DHX15: variants seen among roughly 807,000 people sequenced by gnomAD.
DHX15 encodes the protein ATP-dependent RNA helicase DHX15.
DHX15 carries 11 observed loss-of-function variants against 94.4 expected under a neutral mutation model. The observed-to-expected ratio is 0.12, with a 90% CI of 0.07 to 0.19. DHX15 has a LOEUF of 0.19. Among genes scored for constraint, DHX15 ranks in the 10% least tolerant of loss-of-function variants. The pLI, the probability that DHX15 is intolerant of heterozygous loss-of-function variation, is 1.00. For synonymous variants in DHX15, 338 were observed against 329.9 expected (o/e 1.02, Z -0.27); for missense variants, 304 against 988.5 (o/e 0.31, Z 9.29).
chr4:24,578,711 A>G (rs1371087129), intron 1 of DHX15, among the ~76,000 whole-genome samples: 1 of 152,048 alleles, frequency 6.6e-6, no homozygotes, highest in Non-Finnish European at 1.5e-5. Context: ...GACTACAGGC[A>G]TGCACCACCA....
rs200541429 is a variant in DHX15 at position 24,573,609 on chromosome 4, G to A, written c.507+2634C>T. On this transcript the variant is annotated intron_variant, in intron 2 of 13. Coordinates refer to ENST00000336812, the MANE Select transcript of DHX15 (RefSeq NM_001358.3). Reference sequence around the variant, plus strand: ...TATCATCAATATGTTCACTAGACAGGAGTTTTTTTAAAAAAAAATCCTCAT... The same window carrying A: ...TATCATCAATATGTTCACTAGACAGAAGTTTTTTTAAAAAAAAATCCTCAT... Among the ~76,000 whole-genome samples, 23 of 151,952 alleles carry A rather than the reference G, an allele frequency of 1.5e-4. No individual in the cohort carries two copies. The East Asian group carries it at 3.5e-3, about 23-fold the overall frequency.
rs1234833862 is a variant in DHX15 at position 24,537,449 on chromosome 4, A to G, written c.1787-276T>C. 1 of 261,234 alleles carries G rather than the reference A, an allele frequency of 3.8e-6. No homozygotes were observed. Among genetic ancestry groups the G allele is most frequent in the African/African-American group, 2.2e-5 (1 of 45,144 alleles). 16.2% of individuals were successfully genotyped at this position (261,234 alleles called of 1,614,324 possible). On this transcript the variant is annotated intron_variant, in intron 10 of 13. Coordinates refer to ENST00000336812, the MANE Select transcript of DHX15 (RefSeq NM_001358.3). This position sits in a 1 kb window ranked among gnomAD's most constrained non-coding sequence, Gnocchi z 4.7. ...AACAGCTATTCTGAAGGCCATCAGG[A>G]TACTAAAAAGCTCAACTTATTTAAA... is the stretch of plus-strand genomic sequence containing the variant.
In DHX15 at chr4:24,541,966, A is replaced by T; in HGVS notation, c.1392T>A (p.Ala464=). The change falls in exon 8 of 14, where the codon GCT becomes GCA. Residue 464 remains alanine (A), a synonymous_variant. Coordinates refer to ENST00000336812, the MANE Select transcript of DHX15 (RefSeq NM_001358.3). ...ESLLVTAISK[A]SAQQRAGRAG... ...CTCGACCAGCCCTTTGCTGAGCTGA[A>T]GCTTTACTAATAGCTGTCACCAAAA... 6.2e-7 allele frequency: 1 copy of T among 1,612,804 alleles called. No homozygotes were observed.
intron 3 of DHX15, among the ~76,000 whole-genome samples, chr4:24,562,128 T>C (rs1721886242): frequency 1.9e-5 from 1 of 53,988 alleles, no homozygotes; most frequent in East Asian, 6.9e-4. Context: ...TGAGACACTG[T>C]CTCAAAAAAA....
chr4:24,582,601 C>G (rs1348652275), intron 1 of DHX15, among the ~76,000 whole-genome samples: 1 of 152,180 alleles, frequency 6.6e-6, no homozygotes, highest in Non-Finnish European at 1.5e-5. Flanking sequence ...ACTTTACCAA[C>G]GCATTATAAA....
At chr4:24,568,698 T>A (rs746297438) in intron 3 of DHX15, among the ~76,000 whole-genome samples, 1 of 152,208 alleles carries the variant, frequency 6.6e-6, no homozygotes, top group Non-Finnish European at 1.5e-5. Context: ...ACCAAAAAAA[T>A]TCAATGCAAT....
intron 2 of DHX15, among the ~76,000 whole-genome samples, chr4:24,571,088 G>A (rs1431317142): frequency 6.6e-6 from 1 of 152,184 alleles, no homozygotes; most frequent in East Asian, 1.9e-4. Context: ...ACACTCGACA[G>A]TGTGACTATC....
At chr4:24,548,795 A>T in intron 6 of DHX15, 60 bp downstream of exon 6, 9 of 1,478,264 alleles carry the variant, frequency 6.1e-6, no homozygotes, top group Non-Finnish European at 8.3e-6. Flanking sequence ...AACTGAATAC[A>T]GTTTATATCT....
In DHX15 at chr4:24,537,098, T is replaced by A; in HGVS notation, c.1862A>T (p.Asp621Val). ...DEAKMRFAHI[D>V]GDHLTLLNVY... ...GTTCAGCAGTGTCAGATGATCTCCA[T>A]CTATGTGGGCAAATCTCATCTTGGC... The change falls in exon 11 of 14, where the codon GAT (aspartate) becomes GTT (valine). Residue 621 changes from aspartate (D) to valine (V), a missense_variant. Asp to Val is a radical substitution (Grantham distance 152). Coordinates refer to ENST00000336812, the MANE Select transcript of DHX15 (RefSeq NM_001358.3). The surrounding 1 kb of genome is among the most constrained non-coding windows in gnomAD (Gnocchi z 4.7). The A allele has an allele frequency of 6.2e-7, 1 of 1,613,964 alleles. No homozygotes were observed. The highest frequency in any genetic ancestry group is 8.5e-7 in the Non-Finnish European group (1 of 1,179,898).
At chr4:24,552,485 TG>T (rs1354680739) in intron 5 of DHX15, among the ~76,000 whole-genome samples, 2 of 152,216 alleles carry the variant, frequency 1.3e-5, no homozygotes, top group Non-Finnish European at 2.9e-5. Context: ...TTTTATTTAG[TG>T]GTCAGAATAT....
At chr4:24,540,550 A>C (rs1008270505) in intron 9 of DHX15, among the ~76,000 whole-genome samples, 4 of 152,058 alleles carry the variant, frequency 2.6e-5, no homozygotes, top group African/African-American at 9.7e-5. Flanking sequence ...TGTGTTTATC[A>C]AACTGTTTTT....
intron 3 of DHX15, among the ~76,000 whole-genome samples, chr4:24,566,097 G>A (rs534904889): frequency 1.3e-5 from 2 of 151,028 alleles, no homozygotes; most frequent in African/African-American, 4.9e-5. Context: ...AGGCTGGAGC[G>A]CAGTGACACA....
intron 12 of DHX15, among the ~76,000 whole-genome samples, chr4:24,531,650 T>C (rs1437272742): frequency 6.6e-6 from 1 of 151,510 alleles, no homozygotes; most frequent in East Asian, 2.0e-4. Flanking sequence ...CCCAGGGAGG[T>C]AAAAGCTGCA....
chr4:24,554,961 A>G lies in DHX15; in HGVS notation c.862-18T>C. The G allele has an allele frequency of 6.3e-7, 1 of 1,592,250 alleles. No homozygotes were observed. The highest frequency in any genetic ancestry group is 8.6e-7 in the Non-Finnish European group (1 of 1,161,216). ...ACTATAACCTGAAAGAAAACAGTAA[A>G]TTATTTGAAGCTGTCTTCAAGGATT... On this transcript the variant is annotated intron_variant, in intron 4 of 13. Transcript: ENST00000336812.
chr4:24,581,935 G>A (rs6829032), intron 1 of DHX15, among the ~76,000 whole-genome samples: 35,195 of 152,038 alleles, frequency 0.23, 5,137 homozygotes, highest in Non-Finnish European at 0.33. Flanking sequence ...GCCTTATATA[G>A]TTTGGGAGCA....
intron 13 of DHX15, among the ~76,000 whole-genome samples, chr4:24,528,283 C>A (rs779488371): frequency 9.9e-5 from 15 of 151,988 alleles, no homozygotes; most frequent in Non-Finnish European, 1.9e-4. Context: ...AATAACAAAC[C>A]CCTCAAGATA....
intron 3 of DHX15, among the ~76,000 whole-genome samples, chr4:24,568,440 A>G (rs948812999): frequency 6.6e-6 from 1 of 152,240 alleles, no homozygotes; most frequent in East Asian, 1.9e-4. Context: ...TGTCTTAAGT[A>G]AGCTTTTACA....
chr4:24,558,672 C>T (rs545500123), intron 3 of DHX15, among the ~76,000 whole-genome samples: 16 of 152,268 alleles, frequency 1.1e-4, no homozygotes, highest in African/African-American at 3.9e-4. Flanking sequence ...AGGTGCTGCA[C>T]TTAATTACTT....
chr4:24,582,457 T>C (rs920581854), intron 1 of DHX15, among the ~76,000 whole-genome samples: 2 of 152,236 alleles, frequency 1.3e-5, no homozygotes, highest in African/African-American at 4.8e-5. Context: ...GGTGCACATA[T>C]GCACAAATAC....
Sources: allele counts gnomAD v4.1 joint callset (sites outside exome capture counted in the v4.1 genomes callset), GRCh38; gene constraint gnomAD v4.1.1; non-coding constraint Gnocchi (gnomAD v3.1); transcripts MANE v1.5; gene names NCBI Gene and HGNC (gene_info 2026-07-23, HGNC 2026-07-21).